Variants in PLEKHA7 observed in about 807,000 individuals in gnomAD.
PLEKHA7 encodes the protein pleckstrin homology domain containing A7, also known as pleckstrin homology domain-containing family A member 7.
Under a neutral mutation model 170.0 loss-of-function variants are expected in PLEKHA7, and 104 were observed. The ratio of observed to expected loss-of-function variants is 0.61; its 90% CI spans 0.52 to 0.72. The LOEUF (loss-of-function observed/expected upper bound fraction) is 0.72. Among genes scored for constraint, PLEKHA7 ranks in the 30% least tolerant of loss-of-function variants. The pLI is 0.00. For synonymous variants in PLEKHA7, 648 were observed against 660.8 expected, an observed-to-expected ratio of 0.98 and a Z score of 0.30; for missense variants, 1,615 against 1,671.7, an observed-to-expected ratio of 0.97 and a Z score of 0.59.
intron 3 of PLEKHA7, among the ~76,000 whole-genome samples, chr11:16,882,861 CACACACACACAT>C (rs1220057294): frequency 2.1e-4 from 9 of 43,082 alleles, no homozygotes; most frequent in East Asian, 1.8e-3. Flanking sequence ...TACACATATT[CACACACACACAT>C]ACACACACAC....
At chr11:16,784,622 C>G (rs1221899204) in intron 24 of PLEKHA7, among the ~76,000 whole-genome samples, 1 of 152,208 alleles carries the variant, frequency 6.6e-6, no homozygotes, top group Non-Finnish European at 1.5e-5. Flanking sequence ...CGAAAGGAAG[C>G]TTCTGCATGC....
Position 16,833,087 on chromosome 11 carries a change from G to GTTAGT in PLEKHA7, c.873-6502_873-6498dup, listed in dbSNP as rs747006357. Among the ~76,000 whole-genome samples the GTTAGT allele has an allele frequency of 1.1e-3, 171 of 152,330 alleles. 2 individuals are homozygous for GTTAGT. Among genetic ancestry groups the GTTAGT allele is most frequent in the Non-Finnish European group, 2.3e-3 (155 of 68,022 alleles). Reference sequence around the variant, plus strand: ...TAGCCAGGGAGAAATGGAGAAGGGAGTTAGTTTCTTCTTTTCCCCAGAGTT... The same window carrying GTTAGT: ...TAGCCAGGGAGAAATGGAGAAGGGAGTTAGTTTAGTTTCTTCTTTTCCCCAGAGTT... On this transcript the variant is annotated intron_variant, in intron 9 of 26. Coordinates refer to ENST00000531066, the MANE Select transcript of PLEKHA7 (RefSeq NM_001329630.2).
chr11:16,965,788 A>G (rs1444057690), intron 3 of PLEKHA7, among the ~76,000 whole-genome samples: 1 of 152,230 alleles, frequency 6.6e-6, no homozygotes, highest in African/African-American at 2.4e-5. Context: ...CAAAATACTA[A>G]GTATCTATGT....
chr11:16,875,933 G>A (rs992016574), intron 3 of PLEKHA7, among the ~76,000 whole-genome samples: 1 of 152,082 alleles, frequency 6.6e-6, no homozygotes, highest in African/African-American at 2.4e-5. Flanking sequence ...CCTAAAGAAC[G>A]GTGATTTACC....
At chr11:16,814,962 C>A (rs1441836830) in intron 12 of PLEKHA7, among the ~76,000 whole-genome samples, 1 of 152,218 alleles carries the variant, frequency 6.6e-6, no homozygotes, top group Non-Finnish European at 1.5e-5. Flanking sequence ...AGTTTAGGGC[C>A]CCTACACCAC....
At chr11:17,007,822 C>T (rs117872590) in intron 3 of PLEKHA7, among the ~76,000 whole-genome samples, 5,396 of 152,276 alleles carry the variant, frequency 0.035, 263 homozygotes, top group East Asian at 0.15. Flanking sequence ...AATCCTCCTG[C>T]TTTGGCCATT....
intron 3 of PLEKHA7, among the ~76,000 whole-genome samples, chr11:16,963,308 T>C (rs925412276): frequency 1.1e-4 from 17 of 152,220 alleles, no homozygotes; most frequent in African/African-American, 3.4e-4. Flanking sequence ...GCAGGCTCCT[T>C]GTACCTTGCT....
At chr11:16,986,767 C>T (rs1350889251) in intron 3 of PLEKHA7, among the ~76,000 whole-genome samples, 3 of 152,216 alleles carry the variant, frequency 2.0e-5, no homozygotes, top group Non-Finnish European at 4.4e-5. Flanking sequence ...CACCATGAGC[C>T]CCACCTCTAC....
At chr11:16,845,777 G>A (rs187772020) in intron 8 of PLEKHA7, among the ~76,000 whole-genome samples, 1 of 152,302 alleles carries the variant, frequency 6.6e-6, no homozygotes, top group East Asian at 1.9e-4. Context: ...GTGAGGGGGG[G>A]ATGGGTCAGG....
intron 9 of PLEKHA7, among the ~76,000 whole-genome samples, chr11:16,828,140 ATGGTTTGGC>A (rs1372512865): frequency 3.3e-5 from 5 of 152,150 alleles, no homozygotes; most frequent in African/African-American, 7.2e-5. Flanking sequence ...GCAGAGTGAT[ATGGTTTGGC>A]TGTGTCCCCA....
At chr11:16,870,994 A>G (rs1217346286) in intron 4 of PLEKHA7, 105 bp downstream of exon 4, 1 of 812,984 alleles carries the variant, frequency 1.2e-6, no homozygotes, top group Non-Finnish European at 2.0e-6. Flanking sequence ...ACTCACCCCA[A>G]GCCCCTCTGT....
At chr11:16,926,843 C>A (rs1394525297) in intron 3 of PLEKHA7, among the ~76,000 whole-genome samples, 2 of 152,208 alleles carry the variant, frequency 1.3e-5, no homozygotes, top group Non-Finnish European at 2.9e-5. Flanking sequence ...TCCAAAGAGG[C>A]CCTTATGTCT....
intron 3 of PLEKHA7, among the ~76,000 whole-genome samples, chr11:17,008,932 T>C (rs1865168705): frequency 1.3e-5 from 2 of 152,176 alleles, no homozygotes; most frequent in South Asian, 4.1e-4. Context: ...CCAAATTGTA[T>C]TTACTAATAA....
At chr11:16,790,243 A>G in intron 21 of PLEKHA7, 1 of 275,046 alleles carries the variant, frequency 3.6e-6, no homozygotes, top group Non-Finnish European at 7.0e-6. Context: ...GGTGAGGAGG[A>G]CAGTGAGAAG....
At chr11:16,825,145 C>T (rs193021532) in intron 10 of PLEKHA7, among the ~76,000 whole-genome samples, 1 of 152,318 alleles carries the variant, frequency 6.6e-6, no homozygotes, top group Non-Finnish European at 1.5e-5. Context: ...CCCAGCTGGA[C>T]CAGATTAAAG....
intron 3 of PLEKHA7, among the ~76,000 whole-genome samples, chr11:16,919,186 C>T (rs139154647): frequency 1.1e-3 from 174 of 152,148 alleles, no homozygotes; most frequent in African/African-American, 3.9e-3. Context: ...TGCACTCCAG[C>T]CTGGGTGACA....
intron 3 of PLEKHA7, among the ~76,000 whole-genome samples, chr11:16,939,165 G>A (rs1025958513): frequency 5.9e-5 from 9 of 152,074 alleles, no homozygotes; most frequent in African/African-American, 1.9e-4. Flanking sequence ...TAGTCCCAGC[G>A]CTTTGGGAGG....
chr11:16,784,388 T>G (rs548946829), intron 24 of PLEKHA7, among the ~76,000 whole-genome samples: 4 of 152,314 alleles, frequency 2.6e-5, no homozygotes, highest in Non-Finnish European at 4.4e-5. Flanking sequence ...TAATTCTCCC[T>G]GAATGGATGG....
At chr11:16,927,355 A>G (rs1385926279) in intron 3 of PLEKHA7, among the ~76,000 whole-genome samples, 1 of 152,212 alleles carries the variant, frequency 6.6e-6, no homozygotes, top group Non-Finnish European at 1.5e-5. Context: ...AAAACTATAT[A>G]TGCCCTTTAA....
Sources: allele counts gnomAD v4.1 joint callset (sites outside exome capture counted in the v4.1 genomes callset), GRCh38; gene constraint gnomAD v4.1.1; transcripts MANE v1.5; gene names NCBI Gene and HGNC (gene_info 2026-07-23, HGNC 2026-07-21).